The following GPC5 variants were observed in gnomAD, a reference collection of about 807,000 sequenced individuals.
GPC5 encodes glypican 5, also known as glypican-5.
Under a neutral mutation model 53.9 loss-of-function variants are expected in GPC5, and 47 were observed. The ratio of observed to expected loss-of-function variants is 0.87; its 90% confidence interval spans 0.69 to 1.11. The LOEUF is 1.11. Ranked by LOEUF, GPC5 falls within the 50% of genes most tolerant of loss-of-function variation. The probability of loss-of-function intolerance (pLI) is 0.00; values close to 1 mark genes in which losing one functional copy is unlikely to be tolerated. For synonymous variants in GPC5, 286 were observed against 263.3 expected, an observed-to-expected ratio of 1.09 and a Z score of -0.84; for missense variants, 748 against 713.1, an observed-to-expected ratio of 1.05 and a Z score of -0.56.
At chr13:92,776,548 C>T (rs2138755655) in intron 7 of GPC5, among the ~76,000 whole-genome samples, 1 of 152,216 alleles carries the variant, frequency 6.6e-6, no homozygotes, top group African/African-American at 2.4e-5. Context: ...TTTGGCAGGG[C>T]CATGGGGAGA....
chr13:92,520,511 A>T (rs1880998235), intron 7 of GPC5, among the ~76,000 whole-genome samples: 1 of 152,208 alleles, frequency 6.6e-6, no homozygotes, highest in African/African-American at 2.4e-5. Context: ...GCATATAAAC[A>T]GAACCAAAGA....
intron 7 of GPC5, among the ~76,000 whole-genome samples, chr13:92,433,574 G>A (rs778392467): frequency 3.9e-5 from 6 of 152,104 alleles, no homozygotes; most frequent in African/African-American, 9.7e-5. Flanking sequence ...AGTTGATGCC[G>A]AGGATGTCAA....
chr13:91,636,206 C>T (rs1325280665), intron 2 of GPC5, among the ~76,000 whole-genome samples: 1 of 152,050 alleles, frequency 6.6e-6, no homozygotes, highest in Non-Finnish European at 1.5e-5. Flanking sequence ...GCACCATTTA[C>T]ATATATCTTT....
intron 2 of GPC5, among the ~76,000 whole-genome samples, chr13:91,596,853 T>C (rs1205685122): frequency 1.3e-5 from 2 of 152,186 alleles, no homozygotes; most frequent in Non-Finnish European, 2.9e-5. Context: ...GGTGTTATTT[T>C]CCGTGCCTTT....
intron 5 of GPC5, among the ~76,000 whole-genome samples, chr13:91,817,486 C>T (rs1310125011): frequency 6.6e-6 from 1 of 152,130 alleles, no homozygotes; most frequent in African/African-American, 2.4e-5. Context: ...AGATCTTTCC[C>T]ATAACAGTCA....
intron 6 of GPC5, among the ~76,000 whole-genome samples, chr13:92,136,950 A>G (rs975878967): frequency 2.0e-5 from 3 of 152,218 alleles, no homozygotes; most frequent in African/African-American, 7.2e-5. Context: ...GAGCTTCCTA[A>G]ACCAACTAAA....
chr13:92,833,791 T>A (rs1026417854), intron 7 of GPC5, among the ~76,000 whole-genome samples: 3 of 152,166 alleles, frequency 2.0e-5, no homozygotes, highest in African/African-American at 7.2e-5. Context: ...AAGGTGATGA[T>A]TGTTCCAAGC....
chr13:92,793,329 G>A (rs961048964), intron 7 of GPC5, among the ~76,000 whole-genome samples: 5 of 152,078 alleles, frequency 3.3e-5, no homozygotes, highest in South Asian at 2.1e-4. Context: ...GATGTTCTTC[G>A]AAACCAATGA....
At chr13:91,923,132 A>C (rs1365267208) in intron 6 of GPC5, among the ~76,000 whole-genome samples, 1 of 152,030 alleles carries the variant, frequency 6.6e-6, no homozygotes, top group Non-Finnish European at 1.5e-5. Flanking sequence ...TCAATCAATC[A>C]ATCTCTCTAT....
chr13:92,025,204 G>C (rs2040791079), intron 6 of GPC5, among the ~76,000 whole-genome samples: 1 of 151,988 alleles, frequency 6.6e-6, no homozygotes, highest in Non-Finnish European at 1.5e-5. Context: ...TTGATTTTAA[G>C]TAAATTCTAG....
At chr13:92,655,621 G>A (rs562563718) in intron 7 of GPC5, among the ~76,000 whole-genome samples, 111 of 152,266 alleles carry the variant, frequency 7.3e-4, no homozygotes, top group African/African-American at 1.3e-3. Context: ...GGTTATAGGC[G>A]TGAGCCACCG....
intron 6 of GPC5, among the ~76,000 whole-genome samples, chr13:91,919,966 C>T (rs2039695374): frequency 1.3e-5 from 2 of 152,162 alleles, no homozygotes; most frequent in South Asian, 2.1e-4. Flanking sequence ...TGGATCTCTA[C>T]CCAGTGGGAA....
chr13:91,457,462 T>TTA (rs747082259), intron 2 of GPC5, among the ~76,000 whole-genome samples: 4 of 152,126 alleles, frequency 2.6e-5, no homozygotes, highest in Non-Finnish European at 4.4e-5. Flanking sequence ...TTTGTCATGG[T>TTA]TATTATGTGG....
At chr13:92,677,301 CA>C in intron 7 of GPC5, among the ~76,000 whole-genome samples, 1 of 152,096 alleles carries the variant, frequency 6.6e-6, no homozygotes. Context: ...ATTTATGTCA[CA>C]AAAGACTAAC....
At chr13:92,422,462 T>C in intron 7 of GPC5, among the ~76,000 whole-genome samples, 1 of 146,780 alleles carries the variant, frequency 6.8e-6, no homozygotes, top group South Asian at 2.2e-4. Flanking sequence ...TATGAGATCT[T>C]TCTGTAAGCA....
intron 7 of GPC5, among the ~76,000 whole-genome samples, chr13:92,466,453 C>A (rs1878695482): frequency 6.6e-6 from 1 of 151,992 alleles, no homozygotes; most frequent in Non-Finnish European, 1.5e-5. Flanking sequence ...TCATTCAATT[C>A]ATTTCTAAAT....
intron 2 of GPC5, among the ~76,000 whole-genome samples, chr13:91,586,696 G>T (rs1185328888): frequency 6.8e-6 from 1 of 147,902 alleles, no homozygotes; most frequent in Non-Finnish European, 1.5e-5. Flanking sequence ...CCCCCAGCAG[G>T]TCCCTTTCTT....
intron 7 of GPC5, among the ~76,000 whole-genome samples, chr13:92,562,936 T>A (rs1594307097): frequency 6.6e-6 from 1 of 151,904 alleles, no homozygotes; most frequent in East Asian, 1.9e-4. Context: ...CAGGGTAGCA[T>A]AATAAAAGGG....
At chr13:91,909,150 G>T (rs78415659) in intron 6 of GPC5, among the ~76,000 whole-genome samples, 1 of 152,134 alleles carries the variant, frequency 6.6e-6, no homozygotes, top group African/African-American at 2.4e-5. Flanking sequence ...CAGATCTCTC[G>T]CCCTGGCTGG....
Sources: gnomAD v4.1 joint callset for allele counts (sites outside exome capture counted in the v4.1 genomes callset) on GRCh38, gnomAD v4.1.1 for gene constraint, MANE v1.5 for transcripts, NCBI Gene and HGNC (gene_info 2026-07-23, HGNC 2026-07-21) for gene names.